The following PHACTR2 variants were observed in gnomAD, a reference collection of about 807,000 sequenced individuals.
The protein encoded by PHACTR2 is phosphatase and actin regulator 2.
In PHACTR2, 30 loss-of-function variants were observed where a neutral mutation model predicts 76.0. The observed-to-expected ratio is 0.39, with a 90% CI of 0.30 to 0.54. The LOEUF (loss-of-function observed/expected upper bound fraction) is 0.54, where lower values mean the gene tolerates loss of function less well. PHACTR2 is among the 20% of genes least tolerant of loss of function. The probability of loss-of-function intolerance (pLI) is 0.61; values close to 1 mark genes in which losing one functional copy is unlikely to be tolerated. For missense variants in PHACTR2, 696 were observed against 781.1 expected (o/e 0.89, Z 1.30); for synonymous variants, 292 against 292.5 (o/e 1.00, Z 0.02).
chr6:143,781,956 T>C (rs1775442289), intron 9 of PHACTR2, among the ~76,000 whole-genome samples: 2 of 152,212 alleles, frequency 1.3e-5, no homozygotes, highest in African/African-American at 4.8e-5. Context: ...ACATAGAAAC[T>C]TTTCCCTGTT....
rs544866906 is a variant in PHACTR2 at position 143,594,867 on chromosome 6, G to A, written c.217+57660G>A. 2.1e-3 allele frequency among the ~76,000 whole-genome samples: 319 copies of A among 152,326 alleles called. 2 individuals are homozygous for A. The highest frequency in any genetic ancestry group is 3.7e-3 in the South Asian group (18 of 4,828). On this transcript the variant is annotated intron_variant, in intron 1 of 11. Coordinates refer to the PHACTR2 transcript ENST00000367584. ...AACCAGGTCAGAATTGCTGGCTGCC[G>A]TTGCTGTCAGGTGGGGTGAGTCAGG...
intron 1 of PHACTR2, among the ~76,000 whole-genome samples, chr6:143,572,979 A>G (rs1293676840): frequency 6.6e-6 from 1 of 152,282 alleles, no homozygotes; most frequent in Non-Finnish European, 1.5e-5. Flanking sequence ...AATCCAAAAT[A>G]AAAAATGAAA....
chr6:143,549,978 G>C lies in PHACTR2; in HGVS notation c.217+12771G>C, dbSNP rs1008562521. Among the ~76,000 whole-genome samples the C allele has an allele frequency of 1.1e-4, 17 of 151,872 alleles. No individual in the cohort carries two copies. Among genetic ancestry groups the C allele is most frequent in the African/African-American group, 3.4e-4 (14 of 41,364 alleles). ...ACAAAGGATGAAAACTGAGAGTCCCGGTCAGCTTACACCAGAAAGTGCCAA... is the reference window on the plus strand; with the variant it reads ...ACAAAGGATGAAAACTGAGAGTCCCCGTCAGCTTACACCAGAAAGTGCCAA... On this transcript the variant is annotated intron_variant, in intron 1 of 11. Coordinates refer to the PHACTR2 transcript ENST00000367584. This position sits in a 1 kb window ranked among gnomAD's most constrained non-coding sequence, Gnocchi z 4.2.
At chr6:143,544,353 G>A (rs1381468747) in intron 1 of PHACTR2, among the ~76,000 whole-genome samples, 1 of 151,994 alleles carries the variant, frequency 6.6e-6, no homozygotes, top group East Asian at 1.9e-4. Flanking sequence ...TTACAGGAGT[G>A]TTGCCATGAC....
rs1781195352 is a variant in PHACTR2, at chr6:143,543,857, A to G, written c.217+6650A>G. On this transcript the variant is annotated intron_variant, in intron 1 of 11. Coordinates refer to the PHACTR2 transcript ENST00000367584. The surrounding 1 kb of genome is among the most constrained non-coding windows in gnomAD (Gnocchi z 4.7). ...GGATATATTCTGAGTATATTCTGAC[A>G]TGAACACTGAAAGACAGAGACAATG... Among the ~76,000 whole-genome samples the G allele has an allele frequency of 6.6e-6, 1 of 152,222 alleles. No homozygotes were observed. The highest frequency in any genetic ancestry group is 1.5e-5 in the Non-Finnish European group (1 of 68,048).
At chr6:143,693,223 C>A (rs902441673) in intron 1 of PHACTR2, among the ~76,000 whole-genome samples, 3 of 151,766 alleles carry the variant, frequency 2.0e-5, no homozygotes, top group African/African-American at 7.3e-5. Context: ...TAGTAGTGTC[C>A]TTTTTTTGTT....
At chr6:143,694,798 A>G (rs1481162989) in intron 1 of PHACTR2, among the ~76,000 whole-genome samples, 1 of 152,238 alleles carries the variant, frequency 6.6e-6, no homozygotes, top group Non-Finnish European at 1.5e-5. Flanking sequence ...GACTAACTGC[A>G]TTTGTATTCT....
chr6:143,563,777 C>A lies in PHACTR2; in HGVS notation c.217+26570C>A, dbSNP rs536635377. The stretch of plus-strand genomic sequence containing the variant: ...TTGGGAGGACAAGGCAGGTGGATCA[C>A]TTGAGCTTGAGAGTTCAAGACCAGC... On this transcript the variant is annotated intron_variant, in intron 1 of 11. Coordinates refer to the PHACTR2 transcript ENST00000367584. 4.0e-5 allele frequency among the ~76,000 whole-genome samples: 6 copies of A among 151,454 alleles called. No homozygotes were observed. In the South Asian group the frequency reaches 6.3e-4, roughly 16 times the overall value.
chr6:143,734,881 G>T (rs934777655), intron 2 of PHACTR2, among the ~76,000 whole-genome samples: 1 of 152,116 alleles, frequency 6.6e-6, no homozygotes, highest in African/African-American at 2.4e-5. Context: ...AGCCCTTCTG[G>T]CCTGGGTCAG....
rs1202302303 is a variant in PHACTR2 at position 143,780,124 on chromosome 6, AT to A, written c.1645+2746del. 1.3e-5 allele frequency among the ~76,000 whole-genome samples: 2 copies of A among 152,004 alleles called. No homozygotes were observed. The highest frequency in any genetic ancestry group is 2.9e-5 in the Non-Finnish European group (2 of 67,990). ...AATTAGGCCATTGAGTTCTGCATAT[AT>A]TTTTCCCCAACATTTTATTATGAAA... On this transcript the variant is annotated intron_variant, in intron 9 of 12. Coordinates refer to ENST00000440869, the MANE Select transcript of PHACTR2 (RefSeq NM_001100164.2). This position sits in a 1 kb window ranked among gnomAD's most constrained non-coding sequence, Gnocchi z 4.4.
In PHACTR2 at chr6:143,753,876, A is replaced by G; in HGVS notation, c.418A>G (p.Thr140Ala). The G allele has an allele frequency of 1.2e-6, 2 of 1,610,122 alleles. No individual in the cohort carries two copies. Among genetic ancestry groups the G allele is most frequent in the East Asian group, 2.2e-5 (1 of 44,832 alleles). Residue 140 changes from threonine to alanine, a missense_variant, in exon 4 of 13, where the codon ACA becomes GCA. Transcript: ENST00000440869. The surrounding 1 kb of genome is among the most constrained non-coding windows in gnomAD (Gnocchi z 4.6). ...AGGTAATGGCTCTGTATCTGAAAAA[A>G]CACCACCTCTGGAGGAACAGGCAGA... ...EEGNGSVSEK[T>A]PPLEEQAEDK...
At chr6:143,748,213 C>T (rs1483781934) in intron 2 of PHACTR2, among the ~76,000 whole-genome samples, 3 of 152,114 alleles carry the variant, frequency 2.0e-5, no homozygotes, top group Non-Finnish European at 4.4e-5. Context: ...TTACAGGTGC[C>T]CACCACCATG....
In PHACTR2 at chr6:143,653,946, G is replaced by A. The variant is rs969579148; in HGVS notation, c.13+45624G>A. Among the ~76,000 whole-genome samples, 1 of 152,172 alleles carries A rather than the reference G, an allele frequency of 6.6e-6. No individual in the cohort carries two copies. The highest frequency in any genetic ancestry group is 1.5e-5 in the Non-Finnish European group (1 of 68,040). On this transcript the variant is annotated intron_variant, in intron 1 of 11. Transcript: ENST00000305766. The surrounding 1 kb of genome is among the most constrained non-coding windows in gnomAD (Gnocchi z 4.9). ...TGAAAAGACTACCCAGAGAATGGGAGGAAAGTTTTGTAATGTTGTATCTGA... is the reference window on the plus strand; with the variant it reads ...TGAAAAGACTACCCAGAGAATGGGAAGAAAGTTTTGTAATGTTGTATCTGA...
In PHACTR2 at chr6:143,537,146, G is replaced by C. The variant is rs1403892001; in HGVS notation, c.156G>C (p.Gln52His). 50 of 333,822 alleles carry C rather than the reference G, an allele frequency of 1.5e-4. No homozygotes were observed. Among genetic ancestry groups the C allele is most frequent in the Non-Finnish European group, 2.3e-4 (39 of 171,172 alleles). The allele number at this position is 333,822 out of a possible 1,614,324, so 20.7% of individuals were successfully genotyped here. The change falls in exon 1 of 12, where the codon CAG becomes CAC. Residue 52 changes from glutamine to histidine, a missense_variant. By Grantham distance (24) the Gln-to-His change is conservative (BLOSUM62 0). Transcript: ENST00000367584. This position sits in a 1 kb window ranked among gnomAD's most constrained non-coding sequence, Gnocchi z 4.4. ...ACCCGAGCCCCCGCGGCCGCTCACA[G>C]AGCGACCTCTCGTCGTCCTCGAGCA...
chr6:143,804,476 CT>C (rs1444294425), intron 11 of PHACTR2, among the ~76,000 whole-genome samples: 1 of 152,174 alleles, frequency 6.6e-6, no homozygotes, highest in African/African-American at 2.4e-5. Context: ...AGAGTCAAGG[CT>C]GGAGAGACAG....
chr6:143,720,710 C>T (rs902385676), intron 2 of PHACTR2, among the ~76,000 whole-genome samples: 3 of 152,150 alleles, frequency 2.0e-5, no homozygotes, highest in Admixed American at 6.5e-5. Flanking sequence ...CGCCTGGGCT[C>T]AAGCAATCCT....
intron 2 of PHACTR2, among the ~76,000 whole-genome samples, chr6:143,732,368 T>G (rs543741402): frequency 1.7e-4 from 26 of 152,346 alleles, no homozygotes; most frequent in African/African-American, 6.0e-4. Context: ...ACAGATGGAA[T>G]CATACAATAC....
In PHACTR2 at chr6:143,780,263, T is replaced by C. The variant is rs1775395266; in HGVS notation, c.1645+2880T>C. Among the ~76,000 whole-genome samples, 1 of 152,280 alleles carries C rather than the reference T, an allele frequency of 6.6e-6. No individual in the cohort carries two copies. The highest frequency in any genetic ancestry group is 2.1e-4 in the South Asian group (1 of 4,822). On this transcript the variant is annotated intron_variant, in intron 9 of 12. Coordinates refer to ENST00000440869, the MANE Select transcript of PHACTR2 (RefSeq NM_001100164.2). This position sits in a 1 kb window ranked among gnomAD's most constrained non-coding sequence, Gnocchi z 4.4. ...TATGACATATCTATGCATCTGTTGA[T>C]CCAGCTTTTTTTAATGCACTTTAAG...
Position 143,608,342 on chromosome 6 carries a change from ATTC to A in PHACTR2, c.13+24_13+26del. 6.2e-7 allele frequency: 1 copy of A among 1,613,716 alleles called. No individual in the cohort carries two copies. Among genetic ancestry groups the A allele is most frequent in the Non-Finnish European group, 8.5e-7 (1 of 1,179,618 alleles). On this transcript the variant is annotated intron_variant, in intron 1 of 11. Coordinates refer to the PHACTR2 transcript ENST00000305766. This position sits in a 1 kb window ranked among gnomAD's most constrained non-coding sequence, Gnocchi z 4.6. ...ACGCCGGTGGGTAAATCAAGCATGA[ATTC>A]TTCATAGCTGCTGGCTTCCTTTGCA...
Sources: gnomAD v4.1 joint callset for allele counts (sites outside exome capture counted in the v4.1 genomes callset) on GRCh38, gnomAD v4.1.1 for gene constraint, Gnocchi (gnomAD v3.1) non-coding constraint, MANE v1.5 for transcripts, NCBI Gene and HGNC (gene_info 2026-07-23, HGNC 2026-07-21) for gene names.